ABCD2: variants seen among roughly 807,000 people sequenced by gnomAD.
ABCD2 encodes the protein ATP binding cassette subfamily D member 2, also known as ATP-binding cassette sub-family D member 2.
Under a neutral mutation model 70.9 loss-of-function variants are expected in ABCD2, and 36 were observed. That is an observed-to-expected ratio of 0.51 (90% CI 0.39 to 0.67). The LOEUF (loss-of-function observed/expected upper bound fraction) is 0.67. Ranked by LOEUF, ABCD2 falls within the 30% of genes least tolerant of loss-of-function variation. ABCD2 has a pLI of 0.00. For missense variants in ABCD2, 729 were observed against 890.2 expected (o/e 0.82, Z 2.30); for synonymous variants, 304 against 306.9 (o/e 0.99, Z 0.10).
chr12:39,570,189 C>T (rs1187180921), intron 9 of ABCD2, among the ~76,000 whole-genome samples: 1 of 152,156 alleles, frequency 6.6e-6, no homozygotes, highest in Non-Finnish European at 1.5e-5. Context: ...TCAATTCAAT[C>T]CCTATGGAAA....
At chr12:39,554,493 T>G (rs534821375) in intron 9 of ABCD2, among the ~76,000 whole-genome samples, 1 of 152,092 alleles carries the variant, frequency 6.6e-6, no homozygotes, top group Non-Finnish European at 1.5e-5. Context: ...AAAATCAACA[T>G]TAAAAGGTCA....
the ABCD2 span, among the ~76,000 whole-genome samples, chr12:39,535,557 A>C: frequency 6.6e-6 from 1 of 152,166 alleles, no homozygotes; most frequent in Non-Finnish European, 1.5e-5. Flanking sequence ...AAATAAATCT[A>C]CATAGTTAAC....
At chr12:39,612,774 A>G (rs376147731) in intron 2 of ABCD2, among the ~76,000 whole-genome samples, 4 of 152,334 alleles carry the variant, frequency 2.6e-5, no homozygotes, top group African/African-American at 4.8e-5. Flanking sequence ...TGGCATTGGA[A>G]TATGAGACAA....
Position 39,611,032 on chromosome 12 carries a change from A to G in ABCD2, c.1121-3318T>C, listed in dbSNP as rs550031463. 4.6e-5 allele frequency among the ~76,000 whole-genome samples: 7 copies of G among 152,324 alleles called. 1 individual carries two copies. The South Asian group carries it at 1.4e-3, about 32-fold the overall frequency. On this transcript the variant is annotated intron_variant, in intron 2 of 9. Coordinates refer to ENST00000308666, the MANE Select transcript of ABCD2 (RefSeq NM_005164.4). ...CAAAAGTTCCTCATTTAAGGATTTC[A>G]TATTTAACACTATACCTGTTCATTT...
chr12:39,581,351 C>T lies in ABCD2; in HGVS notation c.1793-1732G>A, dbSNP rs564517232. 3.2e-4 allele frequency among the ~76,000 whole-genome samples: 49 copies of T among 152,182 alleles called. No individual in the cohort carries two copies. The South Asian group carries it at 3.7e-3, about 12-fold the overall frequency. On this transcript the variant is annotated intron_variant, in intron 7 of 9. Transcript: ENST00000308666. The stretch of plus-strand genomic sequence containing the variant: ...ATCTGGAGTGAAAAGGAGACTTTCC[C>T]GATTTCCCAGTGACACCTGAAATCT...
the ABCD2 span, among the ~76,000 whole-genome samples, chr12:39,544,365 G>A: frequency 6.6e-6 from 1 of 152,130 alleles, no homozygotes; most frequent in South Asian, 2.1e-4. Context: ...GTAGCCTCCA[G>A]CTACATGACT....
the ABCD2 span, among the ~76,000 whole-genome samples, chr12:39,535,327 A>T: frequency 6.6e-6 from 1 of 152,252 alleles, no homozygotes; most frequent in African/African-American, 2.4e-5. Flanking sequence ...GGTAATTGTT[A>T]TGTTTTTCAA....
intron 3 of ABCD2, among the ~76,000 whole-genome samples, chr12:39,605,547 G>A (rs1291241906): frequency 6.6e-6 from 1 of 151,744 alleles, no homozygotes; most frequent in Non-Finnish European, 1.5e-5. Context: ...TTTTTTCTAG[G>A]TAAGATTATA....
chr12:39,534,888 GAAAGAAAGAAA>G, the ABCD2 span, among the ~76,000 whole-genome samples: 8 of 3,456 alleles, frequency 2.3e-3, no homozygotes, highest in East Asian at 0.011. Flanking sequence ...AGGAAGGAAA[GAAAGAAAGAAA>G]GAAAGAAAGA....
chr12:39,579,191 G>A (rs1206427509), intron 8 of ABCD2, among the ~76,000 whole-genome samples: 3 of 152,152 alleles, frequency 2.0e-5, no homozygotes, highest in Admixed American at 6.5e-5. Context: ...GTGAAACCCC[G>A]TCTCTACTAA....
At chr12:39,543,732 AT>A in the ABCD2 span, among the ~76,000 whole-genome samples, 2 of 152,230 alleles carry the variant, frequency 1.3e-5, no homozygotes, top group Admixed American at 1.3e-4. Context: ...CAATTTTATT[AT>A]TGGCATGTGC....
chr12:39,543,423 C>A, the ABCD2 span, among the ~76,000 whole-genome samples: 430 of 152,202 alleles, frequency 2.8e-3, 4 homozygotes, highest in Middle Eastern at 0.024. Flanking sequence ...ATTTATTATT[C>A]TTTTTTTCCA....
At chr12:39,561,734 C>T (rs1436754395) in intron 9 of ABCD2, among the ~76,000 whole-genome samples, 1 of 152,034 alleles carries the variant, frequency 6.6e-6, no homozygotes, top group East Asian at 1.9e-4. Context: ...AAGTGAACTA[C>T]AATACGAGTA....
At chr12:39,561,391 C>CAAAAAA (rs529908093) in intron 9 of ABCD2, among the ~76,000 whole-genome samples, 1 of 74,460 alleles carries the variant, frequency 1.3e-5, no homozygotes. Flanking sequence ...GACTCTGTCT[C>CAAAAAA]AAAAAAAAAA....
chr12:39,605,443 A>G (rs1379111532), intron 3 of ABCD2, among the ~76,000 whole-genome samples: 1 of 152,138 alleles, frequency 6.6e-6, no homozygotes, highest in Non-Finnish European at 1.5e-5. Context: ...CTCAATGAAA[A>G]GCTTCAAATC....
Position 39,552,889 on chromosome 12 carries a change from G to A in ABCD2, c.*1023C>T, listed in dbSNP as rs1941108195. On this transcript the variant is annotated 3_prime_UTR_variant, in exon 10 of 10. Coordinates refer to ENST00000308666, the MANE Select transcript of ABCD2 (RefSeq NM_005164.4). ...ATTTGATTTCTCGATCTTTCCTTAA[G>A]TAAAGTGCATGATTAGGGCAAGTCT... The A allele has an allele frequency of 1.3e-5, 2 of 151,928 alleles. 1 individual carries two copies. The highest frequency in any genetic ancestry group is 4.1e-4 in the South Asian group (2 of 4,824). The allele number at this position is 151,928 out of a possible 1,614,324, so 9.4% of individuals were successfully genotyped here. A position where few individuals can be genotyped will look rare whatever the true frequency, so the allele number is the denominator to read the frequency against.
chr12:39,603,934 A>G lies in ABCD2; in HGVS notation c.1478T>C (p.Val493Ala). 6.2e-7 allele frequency: 1 copy of G among 1,612,488 alleles called. No homozygotes were observed. Among genetic ancestry groups the G allele is most frequent in the South Asian group, 1.1e-5 (1 of 90,988 alleles). Residue 493 changes from valine (V) to alanine (A), a missense_variant, in exon 5 of 10, where the codon GTG becomes GCG. Val to Ala is a moderately conservative substitution (Grantham distance 64). Around this residue, in one of 3 missense-constraint regions of ABCD2, gnomAD observed 289 missense variants for 328.8 expected, o/e 0.88. Coordinates refer to ENST00000308666, the MANE Select transcript of ABCD2 (RefSeq NM_005164.4). The stretch of plus-strand genomic sequence containing the variant: ...TACTTTGAAGTTTAGCCTGGAAGCC[A>G]CCACTTCTCCTGCTGGTGTAATTAT... ...VPIITPAGEV[V>A]ASRLNFKVEE...
At chr12:39,613,581 T>TA (rs1221730315) in intron 2 of ABCD2, among the ~76,000 whole-genome samples, 1 of 152,082 alleles carries the variant, frequency 6.6e-6, no homozygotes, top group Admixed American at 6.6e-5. Flanking sequence ...GTCCCATGGT[T>TA]ACTCTGCCTC....
chr12:39,604,906 C>G lies in ABCD2; in HGVS notation c.1261G>C (p.Ala421Pro). 1 of 1,599,504 alleles carries G rather than the reference C, an allele frequency of 6.3e-7. No individual in the cohort carries two copies. Among genetic ancestry groups the G allele is most frequent in the South Asian group, 1.1e-5 (1 of 88,004 alleles). Residue 421 changes from alanine to proline, a missense_variant, in exon 4 of 10, where the codon GCT becomes CCT. Ala to Pro is a conservative substitution (Grantham distance 27). This residue lies in a region of ABCD2 where 195 missense variants were observed against 300.2 expected (regional missense o/e 0.65). Transcript: ENST00000308666. Reference sequence around the variant, plus strand: ...ACCCAAAACATATTGTACACTCGAGCAGTGTAGCCTGCTAATTCAGTGACC... The same window carrying G: ...ACCCAAAACATATTGTACACTCGAGGAGTGTAGCCTGCTAATTCAGTGACC... ...KEVTELAGYT[A>P]RVYNMFWVFD... is the part of the protein sequence containing the mutation.
Sources: allele counts gnomAD v4.1 joint callset (sites outside exome capture counted in the v4.1 genomes callset), GRCh38; gene constraint gnomAD v4.1.1; regional missense constraint gnomAD v4.1.1; transcripts MANE v1.5; gene names NCBI Gene and HGNC (gene_info 2026-07-23, HGNC 2026-07-21).